Variants in SAP130 observed in about 807,000 individuals in gnomAD.
SAP130 encodes the protein Sin3A associated protein 130.
Under a neutral mutation model 103.2 loss-of-function variants are expected in SAP130, and 16 were observed. That is an observed-to-expected ratio of 0.16 (90% CI 0.10 to 0.24). SAP130 has a LOEUF of 0.24. Among genes scored for constraint, SAP130 ranks in the 10% least tolerant of loss-of-function variants. SAP130 has a pLI of 1.00. For missense variants in SAP130, 990 were observed against 1,359.7 expected, an observed-to-expected ratio of 0.73 and a Z score of 4.28; for synonymous variants, 477 against 497.0, an observed-to-expected ratio of 0.96 and a Z score of 0.53.
chr2:127,943,196 A>AT (rs953861927), intron 19 of SAP130, among the ~76,000 whole-genome samples: 8 of 152,144 alleles, frequency 5.3e-5, no homozygotes, highest in African/African-American at 1.2e-4. Flanking sequence ...AAGGCACTAC[A>AT]TTTTTTTAGA....
rs1274225446 is a variant in SAP130, at chr2:127,996,071, T to C, written c.1355+279A>G. ...ACAAATGGAGGTACTTACGGATAAATGGTCATAATGCTGCAACCCTTACTC... is the reference window on the plus strand; with the variant it reads ...ACAAATGGAGGTACTTACGGATAAACGGTCATAATGCTGCAACCCTTACTC... On this transcript the variant is annotated intron_variant, in intron 11 of 20. Coordinates refer to ENST00000643581, the MANE Select transcript of SAP130 (RefSeq NM_001330301.2). This position sits in a 1 kb window ranked among gnomAD's most constrained non-coding sequence, Gnocchi z 4.3. Among the ~76,000 whole-genome samples, 1 of 152,080 alleles carries C rather than the reference T, an allele frequency of 6.6e-6. No homozygotes were observed. Among genetic ancestry groups the C allele is most frequent in the Admixed American group, 6.6e-5 (1 of 15,264 alleles).
chr2:127,995,058 G>A (rs898996517), intron 11 of SAP130, among the ~76,000 whole-genome samples: 2 of 152,150 alleles, frequency 1.3e-5, no homozygotes, highest in Non-Finnish European at 2.9e-5. Flanking sequence ...ACTGTATAGG[G>A]TTCTTTATGG....
At position 128,023,733 on chromosome 2, in the gene SAP130, T is replaced by C. The variant is rs190586635; in HGVS notation, c.112+2448A>G. Among the ~76,000 whole-genome samples, 739 of 152,254 alleles carry C rather than the reference T, an allele frequency of 4.9e-3. 6 individuals carry two copies. Among genetic ancestry groups the C allele is most frequent in the African/African-American group, 0.016 (655 of 41,554 alleles). On this transcript the variant is annotated intron_variant, in intron 2 of 20. Coordinates refer to ENST00000643581, the MANE Select transcript of SAP130 (RefSeq NM_001330301.2). ...CAGAGCTTGCAGTGAGCCGAGATCA[T>C]GCTACTGCACTCCAGCCTGGGAGAC... is the stretch of plus-strand genomic sequence containing the variant.
chr2:127,977,703 A>C (rs1681567167), intron 15 of SAP130, among the ~76,000 whole-genome samples: 1 of 152,162 alleles, frequency 6.6e-6, no homozygotes, highest in South Asian at 2.1e-4. Flanking sequence ...GAGGTTGAAA[A>C]ATGCGTTCAG....
Position 127,999,844 on chromosome 2 carries a change from T to A in SAP130, c.1110A>T (p.Gly370=), listed in dbSNP as rs1267233793. ...TGGGAGCTTGCGTGTGTGACACAGA[T>A]CCTGAAATAGGGGAAAAAAGGAAAT... ...TNTIPSATTA[G]SVSHTQAPTS... The change falls in exon 10 of 21, where the codon GGA becomes GGT. Residue 370 remains glycine, a splice_region_variant and synonymous_variant. Coordinates refer to ENST00000643581, the MANE Select transcript of SAP130 (RefSeq NM_001330301.2). 6.5e-7 allele frequency: 1 copy of A among 1,530,080 alleles called. No individual in the cohort carries two copies. The highest frequency in any genetic ancestry group is 8.8e-7 in the Non-Finnish European group (1 of 1,141,376). The allele number at this position is 1,530,080 out of a possible 1,614,324, so 94.8% of individuals were successfully genotyped here. A position where few individuals can be genotyped will look rare whatever the true frequency, so the allele number is the denominator to read the frequency against.
rs1260741640 is a variant in SAP130 at position 127,946,889 on chromosome 2, AAAAC to A, written c.2798-1334_2798-1331del. Among the ~76,000 whole-genome samples, 4 of 149,562 alleles carry A rather than the reference AAAAC, an allele frequency of 2.7e-5. No individual in the cohort carries two copies. The Admixed American group carries it at 2.7e-4, about 10-fold the overall frequency. ...ACAGAGCGAGACTCCGTCACAAGAA[AAAAC>A]AAACAAAAAAGGTAATTTGGTTAAG... On this transcript the variant is annotated intron_variant, in intron 18 of 20. Coordinates refer to ENST00000643581, the MANE Select transcript of SAP130 (RefSeq NM_001330301.2).
Position 127,941,807 on chromosome 2 carries a change from G to T in SAP130, c.*199C>A. ...AGGTTTAACAGGGGTGCACCCGAACGCAAGAAGGCAGCTCACTATGTCCAG... is the reference window on the plus strand; with the variant it reads ...AGGTTTAACAGGGGTGCACCCGAACTCAAGAAGGCAGCTCACTATGTCCAG... On this transcript the variant is annotated 3_prime_UTR_variant, in exon 21 of 21. Coordinates refer to ENST00000643581, the MANE Select transcript of SAP130 (RefSeq NM_001330301.2). 1.8e-6 allele frequency: 1 copy of T among 568,924 alleles called. No individual in the cohort carries two copies. Among genetic ancestry groups the T allele is most frequent in the Non-Finnish European group, 3.1e-6 (1 of 327,274 alleles). The allele number at this position is 568,924 out of a possible 1,614,324, so 35.2% of individuals were successfully genotyped here.
chr2:127,989,701 G>T lies in SAP130; in HGVS notation c.1643C>A (p.Ala548Asp). 1 of 1,614,190 alleles carries T rather than the reference G, an allele frequency of 6.2e-7. No homozygotes were observed. Among genetic ancestry groups the T allele is most frequent in the Non-Finnish European group, 8.5e-7 (1 of 1,180,042 alleles). ...APISTQGIQP[A>D]PIGTPGIQPA... ...CTGTATCCCTGGGGTCCCAATGGGGGCCGGCTGGATACCCTGGGTACTGAT... is the reference window on the plus strand; with the variant it reads ...CTGTATCCCTGGGGTCCCAATGGGGTCCGGCTGGATACCCTGGGTACTGAT... Residue 548 changes from alanine to aspartate, a missense_variant, in exon 13 of 21, where the codon GCC becomes GAC. By Grantham distance (126) the Ala-to-Asp change is moderately radical. Around this residue, in one of 6 missense-constraint regions of SAP130, gnomAD observed 349 missense variants for 384.1 expected, o/e 0.91. Transcript: ENST00000643581. The surrounding 1 kb of genome is among the most constrained non-coding windows in gnomAD (Gnocchi z 4.6).
At chr2:127,969,208 A>T (rs1680895594) in intron 15 of SAP130, among the ~76,000 whole-genome samples, 1 of 152,144 alleles carries the variant, frequency 6.6e-6, no homozygotes, top group Non-Finnish European at 1.5e-5. Context: ...CATTCTACAT[A>T]ATTATTCCAT....
Position 127,941,436 on chromosome 2 carries a change from G to A in SAP130, c.*570C>T, listed in dbSNP as rs115779972. Reference sequence around the variant, plus strand: ...GATATAACAATTTCACTTGGGAATGGTTTTTTTTAAAAAATGACAAGAACT... The same window carrying A: ...GATATAACAATTTCACTTGGGAATGATTTTTTTTAAAAAATGACAAGAACT... On this transcript the variant is annotated 3_prime_UTR_variant, in exon 21 of 21. Coordinates refer to ENST00000643581, the MANE Select transcript of SAP130 (RefSeq NM_001330301.2). 1 of 152,388 alleles carries A rather than the reference G, an allele frequency of 6.6e-6. No individual in the cohort carries two copies. The highest frequency in any genetic ancestry group is 1.9e-4 in the East Asian group (1 of 5,172). The allele number at this position is 152,388 out of a possible 1,614,324, so 9.4% of individuals were successfully genotyped here. A position where few individuals can be genotyped will look rare whatever the true frequency, so the allele number is the denominator to read the frequency against.
intron 15 of SAP130, among the ~76,000 whole-genome samples, chr2:127,976,693 C>T (rs1309308545): frequency 1.3e-5 from 2 of 152,170 alleles, no homozygotes; most frequent in Non-Finnish European, 2.9e-5. Context: ...GGGCGGTTCA[C>T]GAGGTCAAGT....
chr2:127,942,180 T>C lies in SAP130; in HGVS notation c.3016-16A>G, dbSNP rs764146024. On this transcript the variant is annotated splice_polypyrimidine_tract_variant and intron_variant, in intron 20 of 20. Transcript: ENST00000643581. The surrounding 1 kb of genome is among the most constrained non-coding windows in gnomAD (Gnocchi z 4.8). ...GCATATTTCCCTGAAACAGAAGACA[T>C]TGCATCATCAATCAGTGACCATGAG... 1.8e-5 allele frequency: 29 copies of C among 1,575,360 alleles called. No individual in the cohort carries two copies. Among genetic ancestry groups the C allele is most frequent in the South Asian group, 7.1e-5 (6 of 84,650 alleles).
At chr2:128,024,748 C>A (rs1048258703) in intron 2 of SAP130, among the ~76,000 whole-genome samples, 2 of 150,714 alleles carry the variant, frequency 1.3e-5, no homozygotes, top group African/African-American at 4.9e-5. Flanking sequence ...GGCATGGTAG[C>A]GCATGCCTGT....
chr2:127,983,342 C>T (rs1240159503), intron 14 of SAP130, among the ~76,000 whole-genome samples: 1 of 152,154 alleles, frequency 6.6e-6, no homozygotes. Context: ...TTTTTATTGT[C>T]TGGAATAACT....
chr2:127,976,322 C>T (rs1166383953), intron 15 of SAP130, among the ~76,000 whole-genome samples: 3 of 152,264 alleles, frequency 2.0e-5, no homozygotes, highest in East Asian at 3.9e-4. Flanking sequence ...CTCTTCCTCC[C>T]ATTACTTTTT....
At position 127,999,758 on chromosome 2, in the gene SAP130, G is replaced by T; in HGVS notation, c.1196C>A (p.Thr399Asn). The T allele has an allele frequency of 6.6e-7, 1 of 1,516,262 alleles. No homozygotes were observed. The highest frequency in any genetic ancestry group is 8.8e-7 in the Non-Finnish European group (1 of 1,134,732). The allele number at this position is 1,516,262 out of a possible 1,614,324, so 93.9% of individuals were successfully genotyped here. A position where few individuals can be genotyped will look rare whatever the true frequency, so the allele number is the denominator to read the frequency against. Reference sequence around the variant, plus strand: ...CCACTTACCGACTGGGATGTTTGAGGTGGTCACAGCAGTAGCATGGGAGGA... The same window carrying T: ...CCACTTACCGACTGGGATGTTTGAGTTGGTCACAGCAGTAGCATGGGAGGA... The part of the protein sequence containing the change: ...SHSSHATAVT[T>N]SNIPVAKVVP... Residue 399 changes from threonine (T) to asparagine (N), a missense_variant, in exon 10 of 21, where the codon ACC becomes AAC. By Grantham distance (65) the Thr-to-Asn change is moderately conservative. Transcript: ENST00000643581.
intron 2 of SAP130, among the ~76,000 whole-genome samples, chr2:128,020,525 G>A (rs867587329): frequency 6.6e-6 from 1 of 152,140 alleles, no homozygotes. Flanking sequence ...TACGACACAC[G>A]AGTAACGTAC....
chr2:127,983,094 G>A (rs1411940135), intron 14 of SAP130, among the ~76,000 whole-genome samples: 1 of 151,952 alleles, frequency 6.6e-6, no homozygotes, highest in Non-Finnish European at 1.5e-5. Flanking sequence ...TGAAGAGAGG[G>A]TTCCACTATC....
chr2:128,010,701 A>T (rs1684328784), intron 6 of SAP130, among the ~76,000 whole-genome samples: 1 of 152,078 alleles, frequency 6.6e-6, no homozygotes, highest in African/African-American at 2.4e-5. Context: ...TCTTGACTAA[A>T]AATACAAAAA....
Sources: gnomAD v4.1 joint callset for allele counts (sites outside exome capture counted in the v4.1 genomes callset) on GRCh38, gnomAD v4.1.1 for gene constraint, gnomAD v4.1.1 regional missense constraint, Gnocchi (gnomAD v3.1) non-coding constraint, MANE v1.5 for transcripts, NCBI Gene and HGNC (gene_info 2026-07-23, HGNC 2026-07-21) for gene names.